Variants in CACUL1 observed in about 807,000 individuals in gnomAD.
CACUL1 encodes CDK2 associated cullin domain 1, also known as CDK2-associated and cullin domain-containing protein 1.
Under a neutral mutation model 45.2 loss-of-function variants are expected in CACUL1, and 13 were observed. The observed-to-expected ratio is 0.29, with a 90% CI of 0.19 to 0.46. The LOEUF (loss-of-function observed/expected upper bound fraction) is 0.46. CACUL1 is among the 20% of genes least tolerant of loss of function. The probability of loss-of-function intolerance (pLI) is 1.00; values close to 1 mark genes in which losing one functional copy is unlikely to be tolerated. For synonymous variants in CACUL1, 197 were observed against 174.2 expected (o/e 1.13, Z -1.03); for missense variants, 421 against 471.4 (o/e 0.89, Z 0.99).
chr10:118,733,892 C>G (rs558704213), intron 1 of CACUL1, among the ~76,000 whole-genome samples: 68 of 152,184 alleles, frequency 4.5e-4, no homozygotes, highest in African/African-American at 1.6e-3. Context: ...TGATGCACAC[C>G]TGTGGTCTCA....
chr10:118,751,743 T>C (rs1564841155), intron 1 of CACUL1, among the ~76,000 whole-genome samples: 1 of 152,350 alleles, frequency 6.6e-6, no homozygotes, highest in East Asian at 1.9e-4. Context: ...CCAAATGTAA[T>C]TTTGACGTCA....
chr10:118,740,655 G>A (rs554011696), intron 1 of CACUL1, among the ~76,000 whole-genome samples: 87 of 150,742 alleles, frequency 5.8e-4, no homozygotes, highest in African/African-American at 1.8e-3. Context: ...GGCCAGGCAC[G>A]GCAGCTCACG....
chr10:118,752,912 T>C (rs1199700010), intron 1 of CACUL1, among the ~76,000 whole-genome samples: 4 of 152,250 alleles, frequency 2.6e-5, no homozygotes, highest in Admixed American at 2.6e-4. Context: ...TTTGTAGTTA[T>C]TTTCCATTTT....
In CACUL1 at chr10:118,707,580, G is replaced by A. The variant is rs902453218; in HGVS notation, c.605C>T (p.Pro202Leu). The change falls in exon 4 of 9, where the codon CCT (proline) becomes CTT (leucine). Residue 202 changes from proline to leucine, a missense_variant. By Grantham distance (98) the Pro-to-Leu change is moderately conservative. Coordinates refer to ENST00000369151, the MANE Select transcript of CACUL1 (RefSeq NM_153810.5). The part of the protein sequence containing the change: ...ERVSKELQAS[P>L]PDLYIERFNI... ...AAATCTTTCAATATAGAGATCTGGA[G>A]GGCTGGCCTGTGAGAAAGAACAGAA... 2 of 1,523,792 alleles carry A rather than the reference G, an allele frequency of 1.3e-6. No individual in the cohort carries two copies. Among genetic ancestry groups the A allele is most frequent in the Non-Finnish European group, 1.8e-6 (2 of 1,100,650 alleles). 94.4% of individuals were successfully genotyped at this position (1,523,792 alleles called of 1,614,324 possible). A position where few individuals can be genotyped will look rare whatever the true frequency, so the allele number is the denominator to read the frequency against.
chr10:118,691,553 A>C (rs901267179), intron 6 of CACUL1, 150 bp from the exon 7 acceptor site: 1 of 691,910 alleles, frequency 1.4e-6, no homozygotes, highest in African/African-American at 1.8e-5. Context: ...AGAACATACA[A>C]AGTTAAATTT....
chr10:118,745,152 G>T (rs1845829351), intron 1 of CACUL1, among the ~76,000 whole-genome samples: 1 of 152,118 alleles, frequency 6.6e-6, no homozygotes, highest in South Asian at 2.1e-4. Context: ...GTAGACTGTT[G>T]TAAGTTAAAC....
chr10:118,678,745 GTCA>G lies in CACUL1; in HGVS notation c.*7380_*7382del, dbSNP rs1224644862. 6.6e-6 allele frequency: 1 copy of G among 151,818 alleles called. No individual in the cohort carries two copies. Among genetic ancestry groups the G allele is most frequent in the African/African-American group, 2.4e-5 (1 of 41,272 alleles). 9.4% of individuals were successfully genotyped at this position (151,818 alleles called of 1,614,324 possible). A position where few individuals can be genotyped will look rare whatever the true frequency, so the allele number is the denominator to read the frequency against. On this transcript the variant is annotated 3_prime_UTR_variant, in exon 9 of 9. Coordinates refer to ENST00000369151, the MANE Select transcript of CACUL1 (RefSeq NM_153810.5). Reference sequence around the variant, plus strand: ...GTATTCCTGAGACCAATCCATTTTGGTCATCATTTGTTACATTTTGAATACACT... The same window carrying G: ...GTATTCCTGAGACCAATCCATTTTGGTCATTTGTTACATTTTGAATACACT...
At chr10:118,742,183 G>C (rs190560721) in intron 1 of CACUL1, among the ~76,000 whole-genome samples, 1 of 152,260 alleles carries the variant, frequency 6.6e-6, no homozygotes, top group African/African-American at 2.4e-5. Flanking sequence ...TTCAGATGAT[G>C]AATCAGCATA....
At chr10:118,734,707 CACTT>C (rs1359642077) in intron 1 of CACUL1, among the ~76,000 whole-genome samples, 1 of 152,148 alleles carries the variant, frequency 6.6e-6, no homozygotes, top group African/African-American at 2.4e-5. Flanking sequence ...AATTTTAAAA[CACTT>C]ACTAAAAAAA....
At chr10:118,708,502 C>T (rs1564831966) in intron 3 of CACUL1, among the ~76,000 whole-genome samples, 1 of 151,970 alleles carries the variant, frequency 6.6e-6, no homozygotes, top group South Asian at 2.1e-4. Context: ...TACAAAATAC[C>T]AAATCATAAA....
At chr10:118,699,723 C>T (rs567939229) in intron 5 of CACUL1, among the ~76,000 whole-genome samples, 3 of 152,000 alleles carry the variant, frequency 2.0e-5, no homozygotes, top group Non-Finnish European at 2.9e-5. Context: ...CGGCTCACTG[C>T]AAGCTCCGCA....
intron 3 of CACUL1, 80 bp downstream of exon 3, chr10:118,729,215 C>T: frequency 2.4e-6 from 2 of 836,380 alleles, no homozygotes; most frequent in Non-Finnish European, 4.0e-6. Flanking sequence ...TAACAAGCTT[C>T]CAAATGTGTA....
At chr10:118,702,160 C>A (rs556909070) in intron 4 of CACUL1, among the ~76,000 whole-genome samples, 1 of 152,202 alleles carries the variant, frequency 6.6e-6, no homozygotes, top group African/African-American at 2.4e-5. Flanking sequence ...CACCTTGTGA[C>A]CCCTGCCCAC....
In CACUL1 at chr10:118,752,368, C is replaced by T. The variant is rs140619251; in HGVS notation, c.367+2028G>A. On this transcript the variant is annotated intron_variant, in intron 1 of 8. Coordinates refer to ENST00000369151, the MANE Select transcript of CACUL1 (RefSeq NM_153810.5). The stretch of plus-strand genomic sequence containing the variant: ...CAAGAGTTTTTATCATAAATAGCTG[C>T]TGGATCTAGTTGAATGATTTCAGGG... 1.8e-4 allele frequency among the ~76,000 whole-genome samples: 28 copies of T among 152,134 alleles called. No individual in the cohort carries two copies. In the East Asian group the frequency reaches 5.2e-3, roughly 28 times the overall value.
chr10:118,746,143 C>G (rs1218406846), intron 1 of CACUL1, among the ~76,000 whole-genome samples: 1 of 107,690 alleles, frequency 9.3e-6, no homozygotes, highest in African/African-American at 3.5e-5. Flanking sequence ...CAGAGCGAGA[C>G]ACTGTCTCAA....
chr10:118,685,433 A>G lies in CACUL1; in HGVS notation c.*695T>C, dbSNP rs1845194909. ...AATTAGCATCCTGCTACAGGGCCACACCTGCCATCTTGGTGGGTGAGTTTA... is the reference window on the plus strand; with the variant it reads ...AATTAGCATCCTGCTACAGGGCCACGCCTGCCATCTTGGTGGGTGAGTTTA... On this transcript the variant is annotated 3_prime_UTR_variant, in exon 9 of 9. Transcript: ENST00000369151. The G allele has an allele frequency of 7.4e-6, 1 of 134,926 alleles. No homozygotes were observed. The highest frequency in any genetic ancestry group is 1.7e-5 in the Non-Finnish European group (1 of 59,834). 8.4% of individuals were successfully genotyped at this position (134,926 alleles called of 1,614,324 possible).
intron 1 of CACUL1, among the ~76,000 whole-genome samples, chr10:118,740,813 C>G (rs752735790): frequency 4.0e-4 from 60 of 151,440 alleles, no homozygotes; most frequent in Non-Finnish European, 6.5e-4. Flanking sequence ...GTAGTCCTAG[C>G]TACTCAGGAG....
At chr10:118,699,883 C>G (rs1845361382) in intron 5 of CACUL1, among the ~76,000 whole-genome samples, 1 of 151,668 alleles carries the variant, frequency 6.6e-6, no homozygotes, top group African/African-American at 2.4e-5. Flanking sequence ...CTCCTGACCT[C>G]GTGATCCGCC....
At chr10:118,743,151 T>C (rs1011060423) in intron 1 of CACUL1, among the ~76,000 whole-genome samples, 3 of 151,538 alleles carry the variant, frequency 2.0e-5, no homozygotes, top group Non-Finnish European at 2.9e-5. Flanking sequence ...CATGAAGACA[T>C]AGCATTAAAA....
Sources: allele counts gnomAD v4.1 joint callset (sites outside exome capture counted in the v4.1 genomes callset), GRCh38; gene constraint gnomAD v4.1.1; transcripts MANE v1.5; gene names NCBI Gene and HGNC (gene_info 2026-07-23, HGNC 2026-07-21).